GDF15: variants seen among roughly 807,000 people sequenced by gnomAD.
The protein encoded by GDF15 is growth/differentiation factor 15.
GDF15 carries 10 observed loss-of-function variants against 8.9 expected under a neutral mutation model. The observed-to-expected ratio is 1.12, with a 90% CI of 0.69 to 1.90. GDF15 has a LOEUF of 1.90. Among genes scored for constraint, GDF15 ranks in the 40% most tolerant of loss-of-function variants. GDF15 has a pLI of 0.00. For missense variants in GDF15, 452 were observed against 434.2 expected (o/e 1.04, Z -0.36); for synonymous variants, 228 against 210.6 (o/e 1.08, Z -0.72).
chr19:18,388,338 T>G lies in GDF15; in HGVS notation c.330T>G (p.Leu110=), dbSNP rs749208957. The stretch of plus-strand genomic sequence containing the variant: ...ACCTGCGTATCTCTCGGGCCGCCCT[T>G]CCCGAGGGGCTCCCCGAGGCCTCCC... ...HLHLRISRAA[L]PEGLPEASRL... is the part of the protein sequence containing the mutation. The change falls in exon 2 of 2, where the codon CTT becomes CTG. Residue 110 remains leucine, a synonymous_variant. Transcript: ENST00000252809. This position sits in a 1 kb window ranked among gnomAD's most constrained non-coding sequence, Gnocchi z 4.2. The G allele has an allele frequency of 6.2e-7, 1 of 1,611,334 alleles. No homozygotes were observed. Among genetic ancestry groups the G allele is most frequent in the South Asian group, 1.1e-5 (1 of 90,950 alleles).
In GDF15 at chr19:18,388,144, C is replaced by T. The variant is rs1971852293; in HGVS notation, c.278-142C>T. 4.2e-6 allele frequency: 3 copies of T among 714,424 alleles called. No individual in the cohort carries two copies. The highest frequency in any genetic ancestry group is 3.7e-5 in the South Asian group (2 of 53,394). 44.3% of individuals were successfully genotyped at this position (714,424 alleles called of 1,614,324 possible). A position where few individuals can be genotyped will look rare whatever the true frequency, so the allele number is the denominator to read the frequency against. On this transcript the variant is annotated intron_variant, in intron 1 of 1. Transcript: ENST00000252809. This position sits in a 1 kb window ranked among gnomAD's most constrained non-coding sequence, Gnocchi z 4.2. ...GCCACCGCGCCCGCACGGAGAAATG[C>T]TCTTGGTAGGGGAAATAACTTGTGC...
rs1296935039 is a variant in GDF15, at chr19:18,386,350, G to A, written c.161G>A (p.Arg54Gln). Residue 54 changes from arginine (R) to glutamine (Q), a missense_variant, in exon 1 of 2, where the codon CGA becomes CAA. Physicochemically the swap from Arg to Gln is conservative, Grantham distance 43. Transcript: ENST00000252809. The part of the protein sequence containing the change: ...SELHSEDSRF[R>Q]ELRKRYEDLL... ...TTGCACTCCGAAGACTCCAGATTCCGAGAGTTGCGGAAACGCTACGAGGAC... is the reference window on the plus strand; with the variant it reads ...TTGCACTCCGAAGACTCCAGATTCCAAGAGTTGCGGAAACGCTACGAGGAC... The A allele has an allele frequency of 3.1e-6, 5 of 1,614,150 alleles. No homozygotes were observed. The highest frequency in any genetic ancestry group is 3.3e-5 in the Admixed American group (2 of 60,024).
In GDF15 at chr19:18,388,918, G is replaced by T. The variant is rs747501744; in HGVS notation, c.910G>T (p.Asp304Tyr). Reference protein sequence around the residue: ...LQTYDDLLAKDCHCI With the variant: ...LQTYDDLLAKYCHCI ...GACCTATGATGACTTGTTAGCCAAA[G>T]ACTGCCACTGCATATGAGCAGTCCT... Residue 304 changes from aspartate to tyrosine, a missense_variant, in exon 2 of 2, where the codon GAC becomes TAC. Coordinates refer to ENST00000252809, the MANE Select transcript of GDF15 (RefSeq NM_004864.4). This position sits in a 1 kb window ranked among gnomAD's most constrained non-coding sequence, Gnocchi z 4.2. 2.5e-6 allele frequency: 4 copies of T among 1,607,298 alleles called. No homozygotes were observed. In the African/African-American group the frequency reaches 4.0e-5, roughly 16 times the overall value.
Position 18,388,566 on chromosome 19 carries a change from G to T in GDF15, c.558G>T (p.Pro186=), listed in dbSNP as rs45535632. Residue 186 remains proline, a synonymous_variant, in exon 2 of 2, where the codon CCG becomes CCT. Transcript: ENST00000252809. The surrounding 1 kb of genome is among the most constrained non-coding windows in gnomAD (Gnocchi z 4.2). ...CCCAGCTGGAGTTGCACTTGCGGCC[G>T]CAAGCCGCCAGGGGGCGCCGCAGAG... The part of the protein sequence containing the change: ...ARPQLELHLR[P]QAARGRRRAR... 5 of 1,596,552 alleles carry T rather than the reference G, an allele frequency of 3.1e-6. No individual in the cohort carries two copies. The highest frequency in any genetic ancestry group is 3.4e-6 in the Non-Finnish European group (4 of 1,174,884).
In GDF15 at chr19:18,386,292, G is replaced by C. The variant is rs1971827050; in HGVS notation, c.103G>C (p.Ala35Pro). 1.2e-6 allele frequency: 2 copies of C among 1,613,988 alleles called. No individual in the cohort carries two copies. The highest frequency in any genetic ancestry group is 2.7e-5 in the African/African-American group (2 of 74,908). ...PHGGALSLAEASRASFPGPSE... is the reference protein window; with the variant it reads ...PHGGALSLAEPSRASFPGPSE... ...TGGGGGCGCCCTGTCTCTGGCCGAG[G>C]CGAGCCGCGCAAGTTTCCCGGGACC... Residue 35 changes from alanine (A) to proline (P), a missense_variant, in exon 1 of 2, where the codon GCG becomes CCG. Coordinates refer to ENST00000252809, the MANE Select transcript of GDF15 (RefSeq NM_004864.4).
Position 18,388,989 on chromosome 19 carries a change from C to T in GDF15, c.*54C>T, listed in dbSNP as rs752627461. 30 of 1,329,296 alleles carry T rather than the reference C, an allele frequency of 2.3e-5. No homozygotes were observed. Among genetic ancestry groups the T allele is most frequent in the African/African-American group, 1.7e-4 (12 of 69,022 alleles). The allele number at this position is 1,329,296 out of a possible 1,614,324, so 82.3% of individuals were successfully genotyped here. A position where few individuals can be genotyped will look rare whatever the true frequency, so the allele number is the denominator to read the frequency against. On this transcript the variant is annotated 3_prime_UTR_variant, in exon 2 of 2. Coordinates refer to ENST00000252809, the MANE Select transcript of GDF15 (RefSeq NM_004864.4). This position sits in a 1 kb window ranked among gnomAD's most constrained non-coding sequence, Gnocchi z 4.2. Reference sequence around the variant, plus strand: ...GCGCGGAGGACGCGACCTCAGTTGTCCTGCCCTGTGGAATGGGCTCAAGGT... The same window carrying T: ...GCGCGGAGGACGCGACCTCAGTTGTTCTGCCCTGTGGAATGGGCTCAAGGT...
rs752145500 is a variant in GDF15, at chr19:18,386,416, C to T, written c.227C>T (p.Ser76Leu). The T allele has an allele frequency of 5.6e-6, 9 of 1,613,744 alleles. No homozygotes were observed. Among genetic ancestry groups the T allele is most frequent in the Non-Finnish European group, 7.6e-6 (9 of 1,179,992 alleles). ...CGGGCCAACCAGAGCTGGGAAGATT[C>T]GAACACCGACCTCGTCCCGGCCCCT... The part of the protein sequence containing the change: ...RLRANQSWED[S>L]NTDLVPAPAV... The change falls in exon 1 of 2, where the codon TCG becomes TTG. Residue 76 changes from serine (S) to leucine (L), a missense_variant. Physicochemically the swap from Ser to Leu is moderately radical, Grantham distance 145 (BLOSUM62 -2). Coordinates refer to ENST00000252809, the MANE Select transcript of GDF15 (RefSeq NM_004864.4).
chr19:18,386,543 AG>A (rs1971834197), intron 1 of GDF15, 77 bp downstream of exon 1: 3 of 1,256,432 alleles, frequency 2.4e-6, no homozygotes, highest in Admixed American at 4.0e-5. Flanking sequence ...CATCTTGAAA[AG>A]CCCAGACCTA....
At chr19:18,387,460 A>T (rs1044022678) in intron 1 of GDF15, among the ~76,000 whole-genome samples, 1 of 152,084 alleles carries the variant, frequency 6.6e-6, no homozygotes, top group Non-Finnish European at 1.5e-5. Context: ...AATCCAGGAG[A>T]TTGAGGCTGC....
rs745582302 is a variant in GDF15, at chr19:18,388,658, G to A, written c.650G>A (p.Arg217His). 3.7e-6 allele frequency: 6 copies of A among 1,602,414 alleles called. No homozygotes were observed. In the South Asian group the frequency reaches 5.5e-5, roughly 15 times the overall value. Residue 217 changes from arginine to histidine, a missense_variant, in exon 2 of 2, where the codon CGC becomes CAC. Physicochemically the swap from Arg to His is conservative, Grantham distance 29 (BLOSUM62 0). Coordinates refer to ENST00000252809, the MANE Select transcript of GDF15 (RefSeq NM_004864.4). The surrounding 1 kb of genome is among the most constrained non-coding windows in gnomAD (Gnocchi z 4.2). The part of the protein sequence containing the change: ...PGRCCRLHTV[R>H]ASLEDLGWAD... The stretch of plus-strand genomic sequence containing the variant: ...CGTTGCTGCCGTCTGCACACGGTCC[G>A]CGCGTCGCTGGAAGACCTGGGCTGG...
In GDF15 at chr19:18,389,162, G is replaced by A. The variant is rs1316736154; in HGVS notation, c.*227G>A. The stretch of plus-strand genomic sequence containing the variant: ...TTAAAACTCTGGTGATAAAAATAAA[G>A]CTGTCTGAACTGTTCCCTGTGGTGT... On this transcript the variant is annotated 3_prime_UTR_variant, in exon 2 of 2. Transcript: ENST00000252809. 6.9e-6 allele frequency: 3 copies of A among 434,412 alleles called. No homozygotes were observed. Among genetic ancestry groups the A allele is most frequent in the Non-Finnish European group, 1.2e-5 (3 of 244,782 alleles). The allele number at this position is 434,412 out of a possible 1,614,324, so 26.9% of individuals were successfully genotyped here. A position where few individuals can be genotyped will look rare whatever the true frequency, so the allele number is the denominator to read the frequency against.
Position 18,388,887 on chromosome 19 carries a change from G to T in GDF15, c.879G>T (p.Ser293=). The T allele has an allele frequency of 6.2e-7, 1 of 1,611,092 alleles. No individual in the cohort carries two copies. The highest frequency in any genetic ancestry group is 8.5e-7 in the Non-Finnish European group (1 of 1,179,580). The stretch of plus-strand genomic sequence containing the variant: ...TTCAAAAGACCGACACCGGGGTGTC[G>T]CTCCAGACCTATGATGACTTGTTAG... The part of the protein sequence containing the change: ...VLIQKTDTGV[S]LQTYDDLLAK... Residue 293 remains serine, a synonymous_variant, in exon 2 of 2, where the codon TCG becomes TCT. Coordinates refer to ENST00000252809, the MANE Select transcript of GDF15 (RefSeq NM_004864.4). This position sits in a 1 kb window ranked among gnomAD's most constrained non-coding sequence, Gnocchi z 4.2.
At chr19:18,387,293 C>G (rs1971842812) in intron 1 of GDF15, among the ~76,000 whole-genome samples, 1 of 152,070 alleles carries the variant, frequency 6.6e-6, no homozygotes. Context: ...CTTTAGGAGG[C>G]CAAGGTGGGA....
In GDF15 at chr19:18,386,287, C is replaced by A; in HGVS notation, c.98C>A (p.Ala33Asp). Residue 33 changes from alanine to aspartate, a missense_variant, in exon 1 of 2, where the codon GCC (alanine) becomes GAC (aspartate). Transcript: ENST00000252809. Reference sequence around the variant, plus strand: ...CCGCATGGGGGCGCCCTGTCTCTGGCCGAGGCGAGCCGCGCAAGTTTCCCG... The same window carrying A: ...CCGCATGGGGGCGCCCTGTCTCTGGACGAGGCGAGCCGCGCAAGTTTCCCG... Reference protein sequence around the residue: ...WLPHGGALSLAEASRASFPGP... With the variant: ...WLPHGGALSLDEASRASFPGP... 6.2e-7 allele frequency: 1 copy of A among 1,614,080 alleles called. No individual in the cohort carries two copies. The highest frequency in any genetic ancestry group is 8.5e-7 in the Non-Finnish European group (1 of 1,180,026).
chr19:18,386,447 C>A lies in GDF15; in HGVS notation c.258C>A (p.Val86=). ...SNTDLVPAPA[V]RILTPEVRLG... Reference sequence around the variant, plus strand: ...CCGACCTCGTCCCGGCCCCTGCAGTCCGGATACTCACGCCAGAAGGTAAGT... The same window carrying A: ...CCGACCTCGTCCCGGCCCCTGCAGTACGGATACTCACGCCAGAAGGTAAGT... Residue 86 remains valine (V), a synonymous_variant, in exon 1 of 2, where the codon GTC becomes GTA. Transcript: ENST00000252809. 6.2e-7 allele frequency: 1 copy of A among 1,612,430 alleles called. No individual in the cohort carries two copies. The highest frequency in any genetic ancestry group is 1.1e-5 in the South Asian group (1 of 91,064).
intron 1 of GDF15, among the ~76,000 whole-genome samples, chr19:18,387,813 CTTTTTTTTTTTTT>C (rs538473844): frequency 1.4e-5 from 1 of 70,354 alleles, no homozygotes; most frequent in Non-Finnish European, 2.4e-5. Context: ...GAGAAATGCC[CTTTTTTTTTTTTT>C]TTTTTTTTTT....
chr19:18,386,255 G>C lies in GDF15; in HGVS notation c.66G>C (p.Ser22=). ...TGCTCCTGGTGTTGCTGGTGCTCTC[G>C]TGGCTGCCGCATGGGGGCGCCCTGT... is the stretch of plus-strand genomic sequence containing the variant. ...SQMLLVLLVL[S]WLPHGGALSL... The change falls in exon 1 of 2, where the codon TCG becomes TCC. Residue 22 remains serine (S), a synonymous_variant. Transcript: ENST00000252809. 6.2e-7 allele frequency: 1 copy of C among 1,613,872 alleles called. No individual in the cohort carries two copies. The highest frequency in any genetic ancestry group is 8.5e-7 in the Non-Finnish European group (1 of 1,180,018).
At position 18,386,337 on chromosome 19, in the gene GDF15, G is replaced by T; in HGVS notation, c.148G>T (p.Asp50Tyr). The stretch of plus-strand genomic sequence containing the variant: ...GGGACCCTCAGAGTTGCACTCCGAA[G>T]ACTCCAGATTCCGAGAGTTGCGGAA... ...FPGPSELHSE[D>Y]SRFRELRKRY... The change falls in exon 1 of 2, where the codon GAC becomes TAC. Residue 50 changes from aspartate to tyrosine, a missense_variant. Asp to Tyr is a radical substitution (Grantham distance 160). Coordinates refer to ENST00000252809, the MANE Select transcript of GDF15 (RefSeq NM_004864.4). The T allele has an allele frequency of 6.2e-7, 1 of 1,614,132 alleles. No homozygotes were observed. The highest frequency in any genetic ancestry group is 1.1e-5 in the South Asian group (1 of 91,080).
At position 18,386,427 on chromosome 19, in the gene GDF15, C is replaced by A. The variant is rs372819877; in HGVS notation, c.238C>A (p.Leu80Ile). The A allele has an allele frequency of 2.3e-5, 37 of 1,613,474 alleles. No homozygotes were observed. Among genetic ancestry groups the A allele is most frequent in the Non-Finnish European group, 2.7e-5 (32 of 1,179,988 alleles). ...GAGCTGGGAAGATTCGAACACCGAC[C>A]TCGTCCCGGCCCCTGCAGTCCGGAT... ...NQSWEDSNTDLVPAPAVRILT... is the reference protein window; with the variant it reads ...NQSWEDSNTDIVPAPAVRILT... The change falls in exon 1 of 2, where the codon CTC becomes ATC. Residue 80 changes from leucine (L) to isoleucine (I), a missense_variant. Leu to Ile is a conservative substitution (Grantham distance 5). Coordinates refer to ENST00000252809, the MANE Select transcript of GDF15 (RefSeq NM_004864.4).
Sources: gnomAD v4.1 joint callset for allele counts (sites outside exome capture counted in the v4.1 genomes callset) on GRCh38, gnomAD v4.1.1 for gene constraint, Gnocchi (gnomAD v3.1) non-coding constraint, MANE v1.5 for transcripts, NCBI Gene and HGNC (gene_info 2026-07-23, HGNC 2026-07-21) for gene names.